NKAIN1: variants seen among roughly 807,000 people sequenced by gnomAD.
NKAIN1 encodes sodium/potassium-transporting ATPase subunit beta-1-interacting protein 1.
In NKAIN1, 13 loss-of-function variants were observed where a neutral mutation model predicts 31.6. The observed-to-expected ratio is 0.41, with a 90% CI of 0.27 to 0.65. The LOEUF (loss-of-function observed/expected upper bound fraction) is 0.65, where lower values mean the gene tolerates loss of function less well. Among genes scored for constraint, NKAIN1 ranks in the 30% least tolerant of loss-of-function variants. NKAIN1 has a pLI of 0.30. For synonymous variants in NKAIN1, 104 were observed against 109.0 expected, an observed-to-expected ratio of 0.95 and a Z score of 0.28; for missense variants, 193 against 262.2, an observed-to-expected ratio of 0.74 and a Z score of 1.82.
intron 1 of NKAIN1, among the ~76,000 whole-genome samples, chr1:31,226,859 T>G (rs1011446724): frequency 2.6e-5 from 4 of 152,102 alleles, no homozygotes; most frequent in South Asian, 4.2e-4. Flanking sequence ...AGTCTTGCTC[T>G]GTTGCCCGGG....
chr1:31,207,641 TGACCCTGGGTGCAAA>T (rs1157607478), intron 1 of NKAIN1, among the ~76,000 whole-genome samples: 6 of 152,220 alleles, frequency 3.9e-5, no homozygotes, highest in African/African-American at 1.2e-4. Context: ...TCATGGGCAC[TGACCCTGGGTGCAAA>T]GAGGAACAGC....
chr1:31,232,461 A>AGAGAGAGAGAGAGAGG (rs1557664534), intron 1 of NKAIN1, among the ~76,000 whole-genome samples: 22 of 124,388 alleles, frequency 1.8e-4, no homozygotes, highest in African/African-American at 6.5e-4. Context: ...AGAGAGAGAG[A>AGAGAGAGAGAGAGAGG]GAGAGAGAGA....
intron 1 of NKAIN1, among the ~76,000 whole-genome samples, chr1:31,197,261 A>G (rs1164542467): frequency 6.7e-6 from 1 of 150,186 alleles, no homozygotes; most frequent in African/African-American, 2.4e-5. Context: ...ACAGGCACCC[A>G]CCAGCACGCC....
intron 1 of NKAIN1, among the ~76,000 whole-genome samples, chr1:31,223,571 A>C (rs936270821): frequency 6.6e-6 from 1 of 151,886 alleles, no homozygotes; most frequent in African/African-American, 2.4e-5. Flanking sequence ...CAGCCTTCCA[A>C]GTAGCTGGGA....
chr1:31,181,391 A>G lies in NKAIN1; in HGVS notation c.*312T>C, dbSNP rs187564013. ...GTGAAGAGTGAAAGGGAGAGGCTGG[A>G]GAAGAGAGGAAGGCCCCAGCTCACG... On this transcript the variant is annotated 3_prime_UTR_variant, in exon 7 of 7. Coordinates refer to ENST00000373736, the MANE Select transcript of NKAIN1 (RefSeq NM_024522.3). 2.5e-4 allele frequency: 81 copies of G among 330,418 alleles called. 1 individual carries two copies. The highest frequency in any genetic ancestry group is 1.6e-3 in the African/African-American group (77 of 46,966). 20.5% of individuals were successfully genotyped at this position (330,418 alleles called of 1,614,324 possible).
At chr1:31,232,899 T>G (rs184727862) in intron 1 of NKAIN1, among the ~76,000 whole-genome samples, 19 of 152,224 alleles carry the variant, frequency 1.2e-4, no homozygotes, top group Middle Eastern at 3.4e-3. Context: ...CCTCAGTATG[T>G]CCATCAGTTA....
intron 1 of NKAIN1, among the ~76,000 whole-genome samples, chr1:31,216,572 T>A (rs886611560): frequency 7.9e-5 from 12 of 152,208 alleles, no homozygotes; most frequent in Non-Finnish European, 2.9e-5. Flanking sequence ...CTGGCTCATG[T>A]CCATGAGTTT....
chr1:31,225,226 C>T (rs2148365522), intron 1 of NKAIN1, among the ~76,000 whole-genome samples: 1 of 150,784 alleles, frequency 6.6e-6, no homozygotes, highest in East Asian at 2.0e-4. Flanking sequence ...TGGGGTTTCA[C>T]CATGTTGGGC....
At chr1:31,192,885 C>A (rs1330603437) in intron 1 of NKAIN1, among the ~76,000 whole-genome samples, 2 of 150,042 alleles carry the variant, frequency 1.3e-5, no homozygotes, top group East Asian at 2.0e-4. Context: ...TTAGATGTAG[C>A]CTGGGTATAG....
chr1:31,236,174 C>T (rs1432400078), intron 1 of NKAIN1, among the ~76,000 whole-genome samples: 2 of 152,034 alleles, frequency 1.3e-5, no homozygotes, highest in Non-Finnish European at 2.9e-5. Context: ...AGTGACAGAA[C>T]CAGGTCTAAA....
intron 1 of NKAIN1, among the ~76,000 whole-genome samples, chr1:31,207,740 C>T (rs1645435568): frequency 1.3e-5 from 2 of 152,170 alleles, no homozygotes; most frequent in Admixed American, 1.3e-4. Context: ...TACACAAGCC[C>T]AAGGAAGAGG....
At chr1:31,187,896 G>A (rs77189560) in intron 2 of NKAIN1, among the ~76,000 whole-genome samples, 154 bp downstream of exon 2, 36 of 152,074 alleles carry the variant, frequency 2.4e-4, no homozygotes, top group African/African-American at 8.2e-4. Flanking sequence ...AAAGAAGCAT[G>A]GGGCTGTGCA....
chr1:31,232,424 TAGAGAGAGAG>T (rs34605060), intron 1 of NKAIN1, among the ~76,000 whole-genome samples: 249 of 16,880 alleles, frequency 0.015, 16 homozygotes, highest in African/African-American at 0.038. Context: ...TATATATATA[TAGAGAGAGAG>T]AGAGAGAGAG....
chr1:31,229,042 G>A (rs1470781116), intron 1 of NKAIN1, among the ~76,000 whole-genome samples: 2 of 152,146 alleles, frequency 1.3e-5, no homozygotes, highest in Non-Finnish European at 2.9e-5. Context: ...GATAAATGAG[G>A]CCCAGAGAAG....
At chr1:31,184,274 A>G (rs1412595017) in intron 3 of NKAIN1, among the ~76,000 whole-genome samples, 1 of 152,284 alleles carries the variant, frequency 6.6e-6, no homozygotes, top group East Asian at 1.9e-4. Flanking sequence ...TCCCAGCCAC[A>G]GGTGAAATCC....
At chr1:31,184,112 C>T in intron 3 of NKAIN1, 98 bp from the exon 4 acceptor site, 1 of 1,075,282 alleles carries the variant, frequency 9.3e-7, no homozygotes, top group South Asian at 1.6e-5. Context: ...TGAAGGGATT[C>T]AGGGAGCCTG....
chr1:31,197,562 C>T (rs1179087953), intron 1 of NKAIN1, among the ~76,000 whole-genome samples: 20 of 20,404 alleles, frequency 9.8e-4, no homozygotes, highest in Non-Finnish European at 1.6e-3. Context: ...TTTTTTTTTC[C>T]CTGAGATGGA....
chr1:31,181,860 G>A lies in NKAIN1; in HGVS notation c.614C>T (p.Thr205Met), dbSNP rs1397485503. ...AAGCCAGCAGGGGGCCGTGACCCAC[G>A]TGTACAGAGGCTGCAGCTGTAAATG... ...TSHLQLQPLY[T>M]SG The change falls in exon 6 of 7, where the codon ACG (threonine) becomes ATG (methionine). Residue 205 changes from threonine (T) to methionine (M), a missense_variant and splice_region_variant. Coordinates refer to ENST00000373736, the MANE Select transcript of NKAIN1 (RefSeq NM_024522.3). 2 of 1,605,818 alleles carry A rather than the reference G, an allele frequency of 1.2e-6. No homozygotes were observed. The highest frequency in any genetic ancestry group is 1.7e-6 in the Non-Finnish European group (2 of 1,176,866).
chr1:31,192,238 A>T (rs935216608), intron 1 of NKAIN1, among the ~76,000 whole-genome samples: 1 of 152,160 alleles, frequency 6.6e-6, no homozygotes, highest in Non-Finnish European at 1.5e-5. Flanking sequence ...GCCTTCCTTC[A>T]TCCTCACACC....
Sources: allele counts gnomAD v4.1 joint callset (sites outside exome capture counted in the v4.1 genomes callset), GRCh38; gene constraint gnomAD v4.1.1; transcripts MANE v1.5; gene names NCBI Gene and HGNC (gene_info 2026-07-23, HGNC 2026-07-21).